The following ERBB4 variants were observed in gnomAD, a reference collection of about 807,000 sequenced individuals.
ERBB4 encodes the protein erb-b2 receptor tyrosine kinase 4.
A neutral mutation model predicts 158.0 loss-of-function variants in ERBB4; 42 were observed. The observed-to-expected ratio is 0.27, with a 90% CI of 0.21 to 0.34. ERBB4 has a LOEUF of 0.34. Among genes scored for constraint, ERBB4 ranks in the 10% least tolerant of loss-of-function variants. ERBB4 has a pLI of 1.00. For missense variants in ERBB4, 1,333 were observed against 1,624.1 expected (o/e 0.82, Z 3.08); for synonymous variants, 583 against 558.7 (o/e 1.04, Z -0.61).
chr2:212,013,782 G>A (rs930625061), intron 2 of ERBB4, among the ~76,000 whole-genome samples: 3 of 152,174 alleles, frequency 2.0e-5, no homozygotes, highest in African/African-American at 7.2e-5. Context: ...TCAGCCTCCT[G>A]AATATCTGGG....
chr2:212,222,257 C>A (rs538446682), intron 1 of ERBB4, among the ~76,000 whole-genome samples: 11 of 151,528 alleles, frequency 7.3e-5, no homozygotes, highest in African/African-American at 2.7e-4. Flanking sequence ...ATGAGGAGTA[C>A]GGGTTAATGG....
At chr2:212,310,411 G>C (rs954960340) in intron 1 of ERBB4, among the ~76,000 whole-genome samples, 1 of 150,594 alleles carries the variant, frequency 6.6e-6, no homozygotes, top group Non-Finnish European at 1.5e-5. Flanking sequence ...ATTAACCCAT[G>C]TTACTTCTCT....
intron 20 of ERBB4, among the ~76,000 whole-genome samples, chr2:211,560,262 CTTTTTTTTTTTTT>C (rs769707072): frequency 3.7e-4 from 17 of 46,286 alleles, no homozygotes; most frequent in Admixed American, 1.0e-3. Flanking sequence ...TGAAGCTTAG[CTTTTTTTTTTTTT>C]TTTTTTTTTT....
chr2:212,175,137 CAG>C (rs1389885274), intron 1 of ERBB4, among the ~76,000 whole-genome samples: 1 of 152,040 alleles, frequency 6.6e-6, no homozygotes, highest in African/African-American at 2.4e-5. Context: ...CTTCTAATTT[CAG>C]AGACAGAATT....
At chr2:212,094,235 C>A (rs2078862013) in intron 2 of ERBB4, among the ~76,000 whole-genome samples, 1 of 150,276 alleles carries the variant, frequency 6.7e-6, no homozygotes, top group African/African-American at 2.4e-5. Context: ...TTTAAAAGAA[C>A]CTGGCTTTAA....
chr2:211,938,966 T>A (rs2080406974), intron 3 of ERBB4, among the ~76,000 whole-genome samples: 1 of 152,198 alleles, frequency 6.6e-6, no homozygotes, highest in African/African-American at 2.4e-5. Context: ...TAAAAAGCCA[T>A]AGCTGAATGA....
chr2:211,642,576 AGG>A (rs2070637133), intron 16 of ERBB4, among the ~76,000 whole-genome samples: 1 of 152,180 alleles, frequency 6.6e-6, no homozygotes, highest in African/African-American at 2.4e-5. Flanking sequence ...CAGAGATTAA[AGG>A]TAAAATAAAA....
chr2:211,865,036 G>T (rs1233711076), intron 3 of ERBB4, among the ~76,000 whole-genome samples: 1 of 151,838 alleles, frequency 6.6e-6, no homozygotes, highest in East Asian at 1.9e-4. Context: ...ATAAATAAAA[G>T]ATTGACTATA....
intron 1 of ERBB4, among the ~76,000 whole-genome samples, chr2:212,456,597 C>T (rs565770634): frequency 7.9e-5 from 12 of 150,992 alleles, no homozygotes; most frequent in Admixed American, 1.3e-4. Flanking sequence ...GTTGATTAAT[C>T]GTGAAGGTTA....
chr2:212,281,857 T>A (rs188756474), intron 1 of ERBB4, among the ~76,000 whole-genome samples: 1 of 151,940 alleles, frequency 6.6e-6, no homozygotes, highest in East Asian at 1.9e-4. Flanking sequence ...GGGTAATTTA[T>A]GCAACTCTGC....
intron 12 of ERBB4, among the ~76,000 whole-genome samples, chr2:211,684,689 A>T (rs1009809227): frequency 6.6e-6 from 1 of 152,184 alleles, no homozygotes; most frequent in Non-Finnish European, 1.5e-5. Context: ...ATGTTCTTTC[A>T]TGTCCTGCAT....
At chr2:212,078,709 T>G (rs184120795) in intron 2 of ERBB4, among the ~76,000 whole-genome samples, 2 of 151,810 alleles carry the variant, frequency 1.3e-5, no homozygotes, top group Non-Finnish European at 2.9e-5. Flanking sequence ...CATCCACCAT[T>G]TGCAGTTAAG....
At chr2:211,674,843 T>A (rs1353213802) in intron 13 of ERBB4, among the ~76,000 whole-genome samples, 2 of 152,280 alleles carry the variant, frequency 1.3e-5, no homozygotes, top group Non-Finnish European at 2.9e-5. Context: ...TTTATGGTAC[T>A]AAATGAGGGT....
Position 211,387,993 on chromosome 2 carries a change from C to CT in ERBB4, c.3136-2dup. 1 of 1,594,474 alleles carries CT rather than the reference C, an allele frequency of 6.3e-7. No individual in the cohort carries two copies. Among genetic ancestry groups the CT allele is most frequent in the East Asian group, 2.2e-5 (1 of 44,632 alleles). The stretch of plus-strand genomic sequence containing the variant: ...GAGGAGGGCTGTGTCCAATTTCACT[C>CT]TAATAGGAAAGAAAAATGGAATGAT... On this transcript the variant is annotated splice_acceptor_variant, in intron 25 of 27. Transcript: ENST00000342788. LOFTEE classifies it high-confidence loss of function.
intron 1 of ERBB4, among the ~76,000 whole-genome samples, chr2:212,494,876 T>C (rs966811676): frequency 6.6e-6 from 1 of 152,136 alleles, no homozygotes; most frequent in Non-Finnish European, 1.5e-5. Flanking sequence ...TTAATCCCTA[T>C]GAAATGCCCA....
chr2:212,100,153 C>T (rs2079043401), intron 2 of ERBB4, among the ~76,000 whole-genome samples: 1 of 152,176 alleles, frequency 6.6e-6, no homozygotes, highest in Non-Finnish European at 1.5e-5. Flanking sequence ...TGACCTCCTG[C>T]AATAGATCTA....
chr2:212,364,864 G>A (rs995701279), intron 1 of ERBB4, among the ~76,000 whole-genome samples: 1 of 151,320 alleles, frequency 6.6e-6, no homozygotes, highest in African/African-American at 2.4e-5. Flanking sequence ...AGTCTTCTGA[G>A]TTAGGAAGCT....
chr2:212,511,219 G>A (rs954251466), intron 1 of ERBB4, among the ~76,000 whole-genome samples: 16 of 151,966 alleles, frequency 1.1e-4, no homozygotes, highest in African/African-American at 1.7e-4. Flanking sequence ...TTAGACCTTC[G>A]GCAAACAGAG....
chr2:211,645,859 A>G (rs963486906), intron 16 of ERBB4, among the ~76,000 whole-genome samples: 1 of 151,776 alleles, frequency 6.6e-6, no homozygotes, highest in African/African-American at 2.4e-5. Flanking sequence ...TATATGAATA[A>G]GAAACTTGAA....
Sources: gnomAD v4.1 joint callset for allele counts (sites outside exome capture counted in the v4.1 genomes callset) on GRCh38, gnomAD v4.1.1 for gene constraint, MANE v1.5 for transcripts, NCBI Gene and HGNC (gene_info 2026-07-23, HGNC 2026-07-21) for gene names.